GALNT3: variants seen among roughly 807,000 people sequenced by gnomAD.
The protein encoded by GALNT3 is polypeptide N-acetylgalactosaminyltransferase 3.
Under a neutral mutation model 69.8 loss-of-function variants are expected in GALNT3, and 51 were observed. The ratio of observed to expected loss-of-function variants is 0.73; its 90% confidence interval spans 0.58 to 0.92. The LOEUF is 0.92. Ranked by LOEUF, GALNT3 falls within the 40% of genes least tolerant of loss-of-function variation. The pLI, the probability that GALNT3 is intolerant of heterozygous loss-of-function variation, is 0.00. For missense variants in GALNT3, 711 were observed against 760.0 expected (o/e 0.94, Z 0.76); for synonymous variants, 265 against 248.5 (o/e 1.07, Z -0.63).
chr2:165,764,354 G>A (rs140511886), intron 3 of GALNT3, among the ~76,000 whole-genome samples: 1,644 of 152,146 alleles, frequency 0.011, 33 homozygotes, highest in Middle Eastern at 0.048. Flanking sequence ...TACTAGTTCT[G>A]TATTTCCTCA....
At chr2:165,788,966 A>G (rs1683288269) in intron 1 of GALNT3, among the ~76,000 whole-genome samples, 1 of 152,214 alleles carries the variant, frequency 6.6e-6, no homozygotes, top group African/African-American at 2.4e-5. Context: ...TGAGGTTGAC[A>G]ACACTATCTG....
intron 6 of GALNT3, among the ~76,000 whole-genome samples, chr2:165,758,381 G>A (rs1158600270): frequency 6.6e-6 from 1 of 152,064 alleles, no homozygotes; most frequent in East Asian, 1.9e-4. Flanking sequence ...TAAGTCCAAT[G>A]TCCTTTAAAA....
chr2:165,758,191 T>C (rs1204881803), intron 6 of GALNT3, among the ~76,000 whole-genome samples: 1 of 152,210 alleles, frequency 6.6e-6, no homozygotes, highest in Non-Finnish European at 1.5e-5. Flanking sequence ...TAACTCCTAG[T>C]TCAGTTCTTT....
At chr2:165,771,661 C>T (rs1000321670) in intron 1 of GALNT3, 1 of 151,996 alleles carries the variant, frequency 6.6e-6, no homozygotes, top group Non-Finnish European at 1.5e-5. Context: ...TTTTAGGAAA[C>T]GATTACATAC....
rs541656847 is a variant in GALNT3 at position 165,770,083 on chromosome 2, C to G, written c.515+103G>C. On this transcript the variant is annotated intron_variant, in intron 2 of 10. Transcript: ENST00000392701. Reference sequence around the variant, plus strand: ...TAAATAAACAGTATTTGCTGATTTTCTGCCTTAGAGTAGCTAAAAAACAGA... The same window carrying G: ...TAAATAAACAGTATTTGCTGATTTTGTGCCTTAGAGTAGCTAAAAAACAGA... 1.2e-4 allele frequency: 152 copies of G among 1,306,916 alleles called. No homozygotes were observed. In the South Asian group the frequency reaches 1.8e-3, roughly 15 times the overall value. The allele number at this position is 1,306,916 out of a possible 1,614,324, so 81.0% of individuals were successfully genotyped here. A position where few individuals can be genotyped will look rare whatever the true frequency, so the allele number is the denominator to read the frequency against.
chr2:165,781,815 A>C (rs1358344582), intron 1 of GALNT3, among the ~76,000 whole-genome samples: 2 of 152,180 alleles, frequency 1.3e-5, no homozygotes, highest in Non-Finnish European at 2.9e-5. Context: ...TACGATGATT[A>C]AGATTAAGAA....
At chr2:165,765,155 C>G in intron 2 of GALNT3, 99 bp from the exon 3 acceptor site, 1 of 1,033,818 alleles carries the variant, frequency 9.7e-7, no homozygotes, top group Non-Finnish European at 1.5e-6. Context: ...ATCTTTATCA[C>G]TGAAAAAGGA....
At chr2:165,761,025 G>A (rs899925909) in intron 4 of GALNT3, among the ~76,000 whole-genome samples, 40 of 151,846 alleles carry the variant, frequency 2.6e-4, no homozygotes, top group African/African-American at 8.7e-4. Flanking sequence ...CCCTAACCTG[G>A]CATAAAAAGT....
chr2:165,792,672 T>C (rs1683377517), intron 1 of GALNT3, among the ~76,000 whole-genome samples: 11 of 152,130 alleles, frequency 7.2e-5, no homozygotes. Context: ...GTTATTATTA[T>C]CAGAAACTTC....
In GALNT3 at chr2:165,761,969, G is replaced by T. The variant is rs144214001; in HGVS notation, c.774C>A (p.Ile258=). Reference sequence around the variant, plus strand: ...CTGTTGCTCCTAGCAACCGAGCAGTGATCAGACCTTTTCTTTCTCTTTGTC... The same window carrying T: ...CTGTTGCTCCTAGCAACCGAGCAGTTATCAGACCTTTTCTTTCTCTTTGTC... ...IVRQRERKGL[I]TARLLGATVA... Residue 258 remains isoleucine (I), a synonymous_variant, in exon 4 of 11, where the codon ATC becomes ATA. Coordinates refer to ENST00000392701, the MANE Select transcript of GALNT3 (RefSeq NM_004482.4). The T allele has an allele frequency of 8.1e-6, 13 of 1,613,594 alleles. No individual in the cohort carries two copies. In the African/African-American group the frequency reaches 1.5e-4, roughly 18 times the overall value.
chr2:165,749,642 G>T, intron 10 of GALNT3, 100 bp downstream of exon 10: 1 of 1,034,244 alleles, frequency 9.7e-7, no homozygotes, highest in Non-Finnish European at 1.5e-6. Flanking sequence ...GAGAAATTCT[G>T]ATAGATAATA....
chr2:165,784,804 G>A (rs1397308580), intron 1 of GALNT3, among the ~76,000 whole-genome samples: 2 of 152,154 alleles, frequency 1.3e-5, no homozygotes, highest in South Asian at 2.1e-4. Context: ...AGTACAAGAA[G>A]GAGACTGAGG....
At chr2:165,760,622 T>C (rs1003375620) in intron 4 of GALNT3, among the ~76,000 whole-genome samples, 1 of 152,202 alleles carries the variant, frequency 6.6e-6, no homozygotes, top group Non-Finnish European at 1.5e-5. Flanking sequence ...GCATTACCTT[T>C]AGTGTTCTCT....
chr2:165,758,340 G>GA (rs1024522864), intron 6 of GALNT3, among the ~76,000 whole-genome samples: 2 of 152,102 alleles, frequency 1.3e-5, no homozygotes, highest in African/African-American at 4.8e-5. Flanking sequence ...AATATGTATA[G>GA]AAAAAATCAA....
At chr2:165,780,398 T>G (rs113164741) in intron 1 of GALNT3, among the ~76,000 whole-genome samples, 1,809 of 152,288 alleles carry the variant, frequency 0.012, 40 homozygotes, top group African/African-American at 0.041. Flanking sequence ...CTTCCAACTC[T>G]GACCATAAAA....
At chr2:165,790,260 G>A (rs905586153) in intron 1 of GALNT3, among the ~76,000 whole-genome samples, 4 of 152,178 alleles carry the variant, frequency 2.6e-5, no homozygotes, top group African/African-American at 9.7e-5. Context: ...ACCCAAGGAA[G>A]TGTCATATAA....
At position 165,770,648 on chromosome 2, in the gene GALNT3, T is replaced by C; in HGVS notation, c.53A>G (p.Lys18Arg). 1.2e-6 allele frequency: 2 copies of C among 1,601,596 alleles called. No individual in the cohort carries two copies. Among genetic ancestry groups the C allele is most frequent in the South Asian group, 1.1e-5 (1 of 87,868 alleles). ...VKLHIKRHYH[K>R]KFWKLGAVIF... Reference sequence around the variant, plus strand: ...TACTGCACCAAGCTTCCAGAACTTTTTATGGTAATGTCTTTTAATGTGTAA... The same window carrying C: ...TACTGCACCAAGCTTCCAGAACTTTCTATGGTAATGTCTTTTAATGTGTAA... Residue 18 changes from lysine to arginine, a missense_variant, in exon 2 of 11, where the codon AAA becomes AGA. Transcript: ENST00000392701.
In GALNT3 at chr2:165,755,083, G is replaced by T. The variant is rs183954161; in HGVS notation, c.1393-20C>A. On this transcript the variant is annotated intron_variant, in intron 7 of 10. Coordinates refer to ENST00000392701, the MANE Select transcript of GALNT3 (RefSeq NM_004482.4). ...TGCTTTCTGTAGAAACATGAGAAAT[G>T]AAGGGAATGCTTAATTAAAACAACA... The T allele has an allele frequency of 5.7e-5, 92 of 1,601,692 alleles. 2 individuals are homozygous for T. The Middle Eastern group carries it at 3.1e-3, about 54-fold the overall frequency.
chr2:165,783,236 C>T (rs1683150314), intron 1 of GALNT3, among the ~76,000 whole-genome samples: 1 of 152,100 alleles, frequency 6.6e-6, no homozygotes. Flanking sequence ...CTTCTTAATA[C>T]TTTAGTGAAA....
Sources: gnomAD v4.1 joint callset for allele counts (sites outside exome capture counted in the v4.1 genomes callset) on GRCh38, gnomAD v4.1.1 for gene constraint, MANE v1.5 for transcripts, NCBI Gene and HGNC (gene_info 2026-07-23, HGNC 2026-07-21) for gene names.